Variants in RGL3 observed in about 807,000 individuals in gnomAD.
RGL3 encodes ral guanine nucleotide dissociation stimulator-like 3.
RGL3 carries 85 observed loss-of-function variants against 90.6 expected under a neutral mutation model. That is an observed-to-expected ratio of 0.94 (90% confidence interval 0.79 to 1.12). The LOEUF (loss-of-function observed/expected upper bound fraction) is 1.12. Among genes scored for constraint, RGL3 ranks in the 50% most tolerant of loss-of-function variants. The pLI, the probability that RGL3 is intolerant of heterozygous loss-of-function variation, is 0.00. For synonymous variants in RGL3, 408 were observed against 385.5 expected, an observed-to-expected ratio of 1.06 and a Z score of -0.68; for missense variants, 1,034 against 939.2, an observed-to-expected ratio of 1.10 and a Z score of -1.32.
chr19:11,414,163 A>ACACACC, intron 5 of RGL3, among the ~76,000 whole-genome samples: 1 of 110,510 alleles, frequency 9.0e-6, no homozygotes, highest in East Asian at 2.9e-4. Context: ...ATATATATAT[A>ACACACC]TATATATATA....
rs750293264 is a variant in RGL3 at position 11,416,902 on chromosome 19, G to C, written c.305C>G (p.Thr102Ser). ...CAGCAGGCAGGCAGTGGGTACAAAGGTCCGGTAGGTGGCCAGGAAGGCGGG... is the reference window on the plus strand; with the variant it reads ...CAGCAGGCAGGCAGTGGGTACAAAGCTCCGGTAGGTGGCCAGGAAGGCGGG... ...FMPAFLATYR[T>S]FVPTACLLGF... The change falls in exon 3 of 19, where the codon ACC becomes AGC. Residue 102 changes from threonine (T) to serine (S), a missense_variant. Physicochemically the swap from Thr to Ser is moderately conservative, Grantham distance 58. Transcript: ENST00000380456. 157 of 1,613,974 alleles carry C rather than the reference G, an allele frequency of 9.7e-5. No individual in the cohort carries two copies. Among genetic ancestry groups the C allele is most frequent in the Non-Finnish European group, 1.3e-4 (154 of 1,180,014 alleles).
At chr19:11,403,640 CAAAAAAAAAAAAAA>C (rs889376839) in intron 9 of RGL3, among the ~76,000 whole-genome samples, 1 of 49,388 alleles carries the variant, frequency 2.0e-5, no homozygotes, top group East Asian at 7.6e-4. Context: ...AACTCCATCT[CAAAAAAAAAAAAAA>C]AAAAAAAAAG....
intron 16 of RGL3, among the ~76,000 whole-genome samples, chr19:11,398,809 T>A (rs1325890654): frequency 6.6e-6 from 1 of 152,162 alleles, no homozygotes; most frequent in African/African-American, 2.4e-5. Flanking sequence ...TAGCTGGGAC[T>A]ACAGGTGTGC....
At chr19:11,414,046 A>G (rs1222769257) in intron 5 of RGL3, among the ~76,000 whole-genome samples, 1 of 146,214 alleles carries the variant, frequency 6.8e-6, no homozygotes, top group Admixed American at 7.0e-5. Flanking sequence ...GCGCCCAGCC[A>G]ATTTTAATTA....
intron 16 of RGL3, among the ~76,000 whole-genome samples, chr19:11,398,026 TAATAA>T (rs1189202486): frequency 6.6e-6 from 1 of 151,456 alleles, no homozygotes; most frequent in Non-Finnish European, 1.5e-5. Flanking sequence ...AATAAATAAA[TAATAA>T]AATAAAATAA....
intron 5 of RGL3, among the ~76,000 whole-genome samples, chr19:11,408,379 C>T (rs1968817593): frequency 6.6e-6 from 1 of 151,952 alleles, no homozygotes. Flanking sequence ...GTCAGGAGTT[C>T]GAGACCAGCG....
rs749176728 is a variant in RGL3 at position 11,405,157 on chromosome 19, ATC to A, written c.1173_1174del (p.Glu391AspfsTer9). The A allele has an allele frequency of 2.5e-6, 4 of 1,614,010 alleles. No homozygotes were observed. Among genetic ancestry groups the A allele is most frequent in the Non-Finnish European group, 3.4e-6 (4 of 1,179,872 alleles). ...TGCATCCATCTCTACCTGGAAAAGA[ATC>A]TCTCTGCTGCTGAGGTGGTTGTTCT... On this transcript the variant is annotated frameshift_variant, in exon 9 of 19. Transcript: ENST00000380456. LOFTEE classifies it high-confidence loss of function.
chr19:11,395,318 C>T (rs1021998658), intron 18 of RGL3, among the ~76,000 whole-genome samples: 1 of 152,144 alleles, frequency 6.6e-6, no homozygotes, highest in African/African-American at 2.4e-5. Context: ...TGAACAACCA[C>T]AAGCATCCTT....
rs528808994 is a variant in RGL3 at position 11,416,096 on chromosome 19, G to A, written c.478C>T (p.Arg160Ter). The A allele has an allele frequency of 1.6e-5, 26 of 1,604,224 alleles. No homozygotes were observed. The highest frequency in any genetic ancestry group is 2.2e-5 in the South Asian group (2 of 89,986). ...AGGTCCGAATGGGCAGGGTGGTCTC[G>A]GAAATCCTGAGGGTGGTCCTGCAGC... is the stretch of plus-strand genomic sequence containing the variant. ...SWLQDHPQDF[R>*]DHPAHSDLGS... The change falls in exon 5 of 19, where the codon CGA becomes TGA. Residue 160 changes from arginine (R) to a stop codon, truncating the protein, a stop_gained. Coordinates refer to ENST00000380456, the MANE Select transcript of RGL3 (RefSeq NM_001035223.4). LOFTEE classifies it high-confidence loss of function.
intron 2 of RGL3, 73 bp downstream of exon 2, chr19:11,418,598 G>A: frequency 8.1e-7 from 1 of 1,233,902 alleles, no homozygotes; most frequent in Non-Finnish European, 1.1e-6. Context: ...CTGGCGGCCT[G>A]TGCTCGGCTC....
At chr19:11,415,804 T>C (rs1017558179) in intron 5 of RGL3, 133 bp downstream of exon 5, 2 of 823,206 alleles carry the variant, frequency 2.4e-6, no homozygotes, top group African/African-American at 1.7e-5. Context: ...ATTGTAAAGA[T>C]GAAGAAATTG....
intron 5 of RGL3, among the ~76,000 whole-genome samples, chr19:11,409,171 A>G (rs1390781587): frequency 7.0e-6 from 1 of 142,028 alleles, no homozygotes; most frequent in African/African-American, 2.6e-5. Flanking sequence ...CTTTGTCTCA[A>G]AAAAAAAAAA....
Position 11,406,650 on chromosome 19 carries a change from G to A in RGL3, c.781-16C>T, listed in dbSNP as rs1001303959. On this transcript the variant is annotated splice_polypyrimidine_tract_variant and intron_variant, in intron 6 of 18. Coordinates refer to ENST00000380456, the MANE Select transcript of RGL3 (RefSeq NM_001035223.4). ...AGAAGAGCTCCTGGGCCAGGGGAGGGGTGTGGGATTGGTGCTTAGCAGAAC... is the reference window on the plus strand; with the variant it reads ...AGAAGAGCTCCTGGGCCAGGGGAGGAGTGTGGGATTGGTGCTTAGCAGAAC... 6.3e-7 allele frequency: 1 copy of A among 1,581,416 alleles called. No individual in the cohort carries two copies. Among genetic ancestry groups the A allele is most frequent in the Non-Finnish European group, 8.6e-7 (1 of 1,163,368 alleles).
intron 9 of RGL3, among the ~76,000 whole-genome samples, chr19:11,402,990 C>T (rs1237023312): frequency 1.3e-5 from 2 of 151,074 alleles, no homozygotes; most frequent in Admixed American, 6.6e-5. Flanking sequence ...CACCTGTAGT[C>T]CCAGCTACTT....
chr19:11,400,132 G>A (rs766497598), intron 14 of RGL3, 24 bp from the exon 15 acceptor site: 3 of 1,596,404 alleles, frequency 1.9e-6, no homozygotes, highest in Admixed American at 1.8e-5. Flanking sequence ...CAGGGGATGA[G>A]GCTAAGGCAG....
intron 5 of RGL3, among the ~76,000 whole-genome samples, chr19:11,413,557 G>A (rs11881542): frequency 0.99 from 133,305 of 135,028 alleles, 65,814 homozygotes; most frequent in Middle Eastern, 1. Flanking sequence ...AAAAAAAAAA[G>A]GGCAGGGTCA....
At chr19:11,418,145 A>G (rs970119780) in intron 2 of RGL3, among the ~76,000 whole-genome samples, 2 of 148,666 alleles carry the variant, frequency 1.3e-5, no homozygotes, top group Non-Finnish European at 3.0e-5. Context: ...CTCCCCATCC[A>G]CAAATAGCTC....
rs932615142 is a variant in RGL3 at position 11,407,033 on chromosome 19, T to G, written c.638-169A>C. Reference sequence around the variant, plus strand: ...GACAGTCTTACTCTGTTGCCCAAGCTGGAGTACAATGGCGCAATCTCAGCT... The same window carrying G: ...GACAGTCTTACTCTGTTGCCCAAGCGGGAGTACAATGGCGCAATCTCAGCT... On this transcript the variant is annotated intron_variant, in intron 5 of 18. Transcript: ENST00000380456. The G allele has an allele frequency of 5.0e-6, 3 of 599,254 alleles. No individual in the cohort carries two copies. In the African/African-American group the frequency reaches 5.6e-5, roughly 11 times the overall value. The allele number at this position is 599,254 out of a possible 1,614,324, so 37.1% of individuals were successfully genotyped here.
intron 2 of RGL3, among the ~76,000 whole-genome samples, chr19:11,418,239 CCCCA>C (rs1969037835): frequency 8.0e-6 from 1 of 125,530 alleles, no homozygotes; most frequent in African/African-American, 2.9e-5. Flanking sequence ...CGTCCCCTCC[CCCCA>C]CCCCCCCGCC....
Sources: gnomAD v4.1 joint callset for allele counts (sites outside exome capture counted in the v4.1 genomes callset) on GRCh38, gnomAD v4.1.1 for gene constraint, MANE v1.5 for transcripts, NCBI Gene and HGNC (gene_info 2026-07-23, HGNC 2026-07-21) for gene names.